MCC: variants seen among roughly 807,000 people sequenced by gnomAD.
The protein encoded by MCC is colorectal mutant cancer protein.
In MCC, 90 loss-of-function variants were observed where a neutral mutation model predicts 116.2. The ratio of observed to expected loss-of-function variants is 0.77; its 90% confidence interval spans 0.65 to 0.92. The LOEUF (loss-of-function observed/expected upper bound fraction) is 0.92. Ranked by LOEUF, MCC falls within the 40% of genes least tolerant of loss-of-function variation. The pLI, the probability that MCC is intolerant of heterozygous loss-of-function variation, is 0.00. For synonymous variants in MCC, 578 were observed against 510.5 expected, an observed-to-expected ratio of 1.13 and a Z score of -1.78; for missense variants, 1,516 against 1,312.2, an observed-to-expected ratio of 1.16 and a Z score of -2.40.
chr5:113,368,354 A>G (rs1229304363), intron 2 of MCC, among the ~76,000 whole-genome samples: 1 of 152,214 alleles, frequency 6.6e-6, no homozygotes, highest in Admixed American at 6.5e-5. Flanking sequence ...TTTTATCAAT[A>G]AACACATACT....
intron 5 of MCC, among the ~76,000 whole-genome samples, chr5:113,125,518 G>T (rs1055209704): frequency 1.3e-5 from 2 of 152,170 alleles, no homozygotes; most frequent in African/African-American, 4.8e-5. Context: ...TCATGGAGCT[G>T]CATATCCTTA....
intron 3 of MCC, among the ~76,000 whole-genome samples, chr5:113,175,806 T>G (rs1473160169): frequency 6.6e-6 from 1 of 152,110 alleles, no homozygotes; most frequent in Non-Finnish European, 1.5e-5. Context: ...AGAGTACTTT[T>G]CATGAATATT....
At chr5:113,085,760 T>C (rs1371100051) in intron 8 of MCC, among the ~76,000 whole-genome samples, 2 of 152,158 alleles carry the variant, frequency 1.3e-5, no homozygotes, top group Admixed American at 6.5e-5. Context: ...GGTGCAACCA[T>C]GGCTCACTGC....
In MCC at chr5:113,024,330, T is replaced by C. The variant is rs1317950091; in HGVS notation, c.*2972A>G. 3 of 152,242 alleles carry C rather than the reference T, an allele frequency of 2.0e-5. No homozygotes were observed. The highest frequency in any genetic ancestry group is 7.2e-5 in the African/African-American group (3 of 41,460). 9.4% of individuals were successfully genotyped at this position (152,242 alleles called of 1,614,324 possible). ...AAGTTTCAATAAGGAATCATACTGT[T>C]CCCCAGTCCATGACAGATTTTTGTA... On this transcript the variant is annotated 3_prime_UTR_variant, in exon 19 of 19. Transcript: ENST00000408903.
intron 3 of MCC, among the ~76,000 whole-genome samples, chr5:113,163,780 C>A (rs1356013881): frequency 6.6e-6 from 1 of 152,188 alleles, no homozygotes; most frequent in Non-Finnish European, 1.5e-5. Flanking sequence ...AAATATCTGT[C>A]AGACATTTCT....
intron 6 of MCC, among the ~76,000 whole-genome samples, chr5:113,109,698 T>C (rs778295952): frequency 1.3e-5 from 2 of 152,136 alleles, no homozygotes; most frequent in African/African-American, 2.4e-5. Context: ...TGAGGAGATA[T>C]AAGCAAATAG....
chr5:113,267,443 T>G (rs1581342567), intron 3 of MCC, among the ~76,000 whole-genome samples: 1 of 152,186 alleles, frequency 6.6e-6, no homozygotes, highest in South Asian at 2.1e-4. Flanking sequence ...ATACATTATC[T>G]CATCTTCACG....
intron 5 of MCC, among the ~76,000 whole-genome samples, chr5:113,127,059 C>T (rs889280720): frequency 6.6e-6 from 1 of 152,118 alleles, no homozygotes; most frequent in Non-Finnish European, 1.5e-5. Context: ...GTCTGTTGTT[C>T]CCCTCTTTGT....
chr5:113,050,794 G>A (rs1217656698), intron 15 of MCC, among the ~76,000 whole-genome samples: 5 of 152,228 alleles, frequency 3.3e-5, no homozygotes, highest in African/African-American at 1.2e-4. Flanking sequence ...AGAACGGCAA[G>A]GAGGGCAGGT....
intron 16 of MCC, among the ~76,000 whole-genome samples, chr5:113,048,367 G>A (rs766080302): frequency 5.3e-5 from 8 of 152,102 alleles, no homozygotes; most frequent in Non-Finnish European, 7.4e-5. Flanking sequence ...ACTGACCTGC[G>A]CCATCCCACC....
chr5:113,150,743 C>G (rs949403532), intron 4 of MCC, among the ~76,000 whole-genome samples: 8 of 151,924 alleles, frequency 5.3e-5, no homozygotes, highest in Non-Finnish European at 1.2e-4. Context: ...AAAATCAAAG[C>G]AAAGGAAGAA....
At chr5:113,071,946 T>C (rs536392206) in intron 11 of MCC, among the ~76,000 whole-genome samples, 12 of 152,136 alleles carry the variant, frequency 7.9e-5, no homozygotes, top group South Asian at 2.1e-4. Context: ...CTCTAACTAG[T>C]GGTAGGATAA....
At chr5:113,360,355 A>G (rs6871995) in intron 2 of MCC, among the ~76,000 whole-genome samples, 14,869 of 152,238 alleles carry the variant, frequency 0.098, 1,163 homozygotes, top group African/African-American at 0.21. Context: ...CAAACTCTAT[A>G]TACTCTAAAT....
intron 3 of MCC, among the ~76,000 whole-genome samples, chr5:113,250,176 A>G (rs1310495236): frequency 3.9e-5 from 6 of 152,218 alleles, no homozygotes; most frequent in African/African-American, 1.2e-4. Context: ...CACCAATGAC[A>G]TAAGTCACAC....
chr5:113,354,802 A>ATTATTATTATTATTATTATTATTG (rs59377042), intron 2 of MCC, among the ~76,000 whole-genome samples: 3,499 of 148,392 alleles, frequency 0.024, 60 homozygotes, highest in East Asian at 0.057. Context: ...TATTATTATT[A>ATTATTATTATTATTATTATTATTG]TTATTCAACA....
At chr5:113,275,970 GTTTTT>G (rs34159294) in intron 3 of MCC, among the ~76,000 whole-genome samples, 12 of 130,488 alleles carry the variant, frequency 9.2e-5, no homozygotes, top group African/African-American at 1.6e-4. Context: ...CACTTGTTTT[GTTTTT>G]TTTTTTTTTT....
At chr5:113,042,833 G>A (rs937386412) in intron 17 of MCC, among the ~76,000 whole-genome samples, 2 of 151,420 alleles carry the variant, frequency 1.3e-5, no homozygotes, top group Non-Finnish European at 2.9e-5. Flanking sequence ...TTAAAATAAT[G>A]TAGACATATT....
At chr5:113,432,441 C>G (rs542715211) in intron 1 of MCC, 1 of 151,710 alleles carries the variant, frequency 6.6e-6, no homozygotes, top group East Asian at 1.9e-4. Flanking sequence ...TGCTCAGAGA[C>G]AAGTGACCTA....
intron 2 of MCC, among the ~76,000 whole-genome samples, chr5:113,378,213 G>A (rs1769031261): frequency 6.6e-6 from 1 of 152,168 alleles, no homozygotes; most frequent in African/African-American, 2.4e-5. Flanking sequence ...TTGGGCTTGT[G>A]GGTTTGAGGT....
Sources: allele counts gnomAD v4.1 joint callset (sites outside exome capture counted in the v4.1 genomes callset), GRCh38; gene constraint gnomAD v4.1.1; transcripts MANE v1.5; gene names NCBI Gene and HGNC (gene_info 2026-07-23, HGNC 2026-07-21).